TENM2: variants seen among roughly 807,000 people sequenced by gnomAD.
TENM2 encodes teneurin-2.
TENM2 carries 52 observed loss-of-function variants against 245.2 expected under a neutral mutation model. The observed-to-expected ratio is 0.21, with a 90% CI of 0.17 to 0.27. TENM2 has a LOEUF of 0.27. Ranked by LOEUF, TENM2 falls within the 10% of genes least tolerant of loss-of-function variation. The pLI, the probability that TENM2 is intolerant of heterozygous loss-of-function variation, is 1.00. For synonymous variants in TENM2, 1,363 were observed against 1,438.9 expected, an observed-to-expected ratio of 0.95 and a Z score of 1.19; for missense variants, 3,046 against 3,666.8, an observed-to-expected ratio of 0.83 and a Z score of 4.37.
At chr5:167,187,201 A>T in the TENM2 span, among the ~76,000 whole-genome samples, 1 of 152,182 alleles carries the variant, frequency 6.6e-6, no homozygotes, top group Non-Finnish European at 1.5e-5. Flanking sequence ...TCCATTTCAG[A>T]TAATCTGTTA....
At chr5:167,443,619 G>A (rs941649925) in intron 2 of TENM2, among the ~76,000 whole-genome samples, 1 of 152,124 alleles carries the variant, frequency 6.6e-6, no homozygotes, top group South Asian at 2.1e-4. Flanking sequence ...GATTATAATT[G>A]TTGGAAGCTT....
intron 5 of TENM2, among the ~76,000 whole-genome samples, chr5:168,013,229 G>A (rs1364860360): frequency 1.3e-5 from 2 of 152,152 alleles, no homozygotes; most frequent in Non-Finnish European, 2.9e-5. Flanking sequence ...ACCCTTTGAA[G>A]ATGATAAGGG....
At chr5:168,253,770 T>A (rs183962210) in intron 27 of TENM2, among the ~76,000 whole-genome samples, 11 of 152,144 alleles carry the variant, frequency 7.2e-5, no homozygotes, top group Admixed American at 6.5e-4. Context: ...AGGTGGGGAG[T>A]TCAAAGATGA....
chr5:168,140,977 A>G (rs1195812163), intron 12 of TENM2, among the ~76,000 whole-genome samples: 2 of 152,108 alleles, frequency 1.3e-5, no homozygotes, highest in African/African-American at 4.8e-5. Flanking sequence ...TGGACTGAGC[A>G]GCAGTGACTG....
chr5:167,054,836 G>A, the TENM2 span, among the ~76,000 whole-genome samples: 1 of 152,020 alleles, frequency 6.6e-6, no homozygotes, highest in Non-Finnish European at 1.5e-5. Flanking sequence ...CTTTGGTGAG[G>A]TGTCTGTTTA....
At chr5:167,412,304 A>C (rs903330518) in intron 2 of TENM2, among the ~76,000 whole-genome samples, 1 of 104,138 alleles carries the variant, frequency 9.6e-6, no homozygotes, top group South Asian at 3.9e-4. Context: ...CTGAGGAGAA[A>C]AGAGAGGGAC....
At chr5:167,293,366 T>A (rs565813037) in intron 1 of TENM2, among the ~76,000 whole-genome samples, 1 of 135,512 alleles carries the variant, frequency 7.4e-6, no homozygotes, top group African/African-American at 3.3e-5. Context: ...CATGTCCGGC[T>A]AATTTTTTTT....
At chr5:167,385,846 TTA>T (rs757382669) in intron 2 of TENM2, among the ~76,000 whole-genome samples, 292 of 140,846 alleles carry the variant, frequency 2.1e-3, no homozygotes, top group African/African-American at 6.0e-3. Context: ...TAGTATTCCA[TTA>T]TATATATATG....
the TENM2 span, among the ~76,000 whole-genome samples, chr5:167,232,984 T>A: frequency 6.6e-6 from 1 of 151,940 alleles, no homozygotes; most frequent in African/African-American, 2.4e-5. Flanking sequence ...GATATTGCCT[T>A]TACAGTCAAG....
At chr5:168,158,865 A>G (rs1757479111) in intron 12 of TENM2, among the ~76,000 whole-genome samples, 1 of 135,622 alleles carries the variant, frequency 7.4e-6, no homozygotes, top group Admixed American at 7.5e-5. Context: ...ACACACACAC[A>G]CACATATATA....
chr5:167,471,788 C>A (rs192589100), intron 2 of TENM2, among the ~76,000 whole-genome samples: 162 of 152,206 alleles, frequency 1.1e-3, no homozygotes, highest in Admixed American at 1.6e-3. Flanking sequence ...AGAGGCTTTA[C>A]GTTGAAAATC....
rs111663610 is a variant in TENM2, at chr5:167,831,983, G to A, written c.503-44003G>A. Among the ~76,000 whole-genome samples, 581 of 134,994 alleles carry A rather than the reference G, an allele frequency of 4.3e-3. 3 individuals are homozygous for A. The highest frequency in any genetic ancestry group is 0.015 in the African/African-American group (497 of 32,840). The allele number at this position is 134,994 out of a possible 152,430, so 88.6% of individuals were successfully genotyped here. A position where few individuals can be genotyped will look rare whatever the true frequency, so the allele number is the denominator to read the frequency against. On this transcript the variant is annotated intron_variant, in intron 2 of 28. Transcript: ENST00000518659. ...TGATGCCAATTGAGAGAGAATGGAC[G>A]AAAAAAAAAAAAAATATTTAGCATC...
chr5:167,686,925 GGAGGA>G (rs1757111651), intron 2 of TENM2, among the ~76,000 whole-genome samples: 3 of 152,296 alleles, frequency 2.0e-5, no homozygotes, highest in African/African-American at 7.2e-5. Context: ...TTGAAATCCA[GGAGGA>G]GAGAGGGAGG....
intron 5 of TENM2, among the ~76,000 whole-genome samples, chr5:168,009,244 G>A (rs918903067): frequency 2.0e-5 from 3 of 152,142 alleles, no homozygotes; most frequent in Non-Finnish European, 2.9e-5. Context: ...TTTGATTTGG[G>A]GCAGTGAAGC....
intron 3 of TENM2, among the ~76,000 whole-genome samples, chr5:167,887,418 C>G (rs1021352320): frequency 5.9e-5 from 9 of 152,194 alleles, no homozygotes; most frequent in Non-Finnish European, 1.3e-4. Context: ...GGCAGCAGCC[C>G]CCACCCAGTC....
At chr5:167,373,533 G>T (rs1217148890) in intron 1 of TENM2, among the ~76,000 whole-genome samples, 1 of 152,286 alleles carries the variant, frequency 6.6e-6, no homozygotes, top group African/African-American at 2.4e-5. Flanking sequence ...AAAGACAAAA[G>T]AAATCAGCAT....
chr5:167,546,505 G>A (rs1041766586), intron 2 of TENM2, among the ~76,000 whole-genome samples: 5 of 152,114 alleles, frequency 3.3e-5, no homozygotes, highest in South Asian at 2.1e-4. Flanking sequence ...ACCTCCCCTC[G>A]ATGACTAACG....
intron 2 of TENM2, among the ~76,000 whole-genome samples, chr5:167,542,407 A>C (rs575702133): frequency 2.0e-4 from 31 of 152,270 alleles, no homozygotes; most frequent in Non-Finnish European, 4.0e-4. Context: ...GTATCTGTAC[A>C]TCATGTGAAT....
intron 2 of TENM2, among the ~76,000 whole-genome samples, chr5:167,840,809 A>G (rs1463442374): frequency 1.3e-5 from 2 of 152,196 alleles, no homozygotes; most frequent in Non-Finnish European, 2.9e-5. Flanking sequence ...TGTCAAAAAA[A>G]CAATGTGTGG....
Sources: gnomAD v4.1 joint callset for allele counts (sites outside exome capture counted in the v4.1 genomes callset) on GRCh38, gnomAD v4.1.1 for gene constraint, MANE v1.5 for transcripts, NCBI Gene and HGNC (gene_info 2026-07-23, HGNC 2026-07-21) for gene names.